The following LDLRAD3 variants were observed in gnomAD, a reference collection of about 807,000 sequenced individuals.
LDLRAD3 encodes low-density lipoprotein receptor class A domain-containing protein 3.
A neutral mutation model predicts 29.4 loss-of-function variants in LDLRAD3; 20 were observed. The ratio of observed to expected loss-of-function variants is 0.68; its 90% CI spans 0.48 to 0.99. The LOEUF is 0.99. Ranked by LOEUF, LDLRAD3 falls within the 50% of genes least tolerant of loss-of-function variation. The probability of loss-of-function intolerance (pLI) is 0.00; values close to 1 mark genes in which losing one functional copy is unlikely to be tolerated. For synonymous variants in LDLRAD3, 157 were observed against 192.7 expected, an observed-to-expected ratio of 0.81 and a Z score of 1.53; for missense variants, 420 against 454.3, an observed-to-expected ratio of 0.92 and a Z score of 0.69.
intron 1 of LDLRAD3, among the ~76,000 whole-genome samples, chr11:35,948,609 C>T (rs990619345): frequency 1.3e-5 from 2 of 152,168 alleles, no homozygotes; most frequent in African/African-American, 4.8e-5. Context: ...CGTATTTGCT[C>T]GTCACATCAT....
At chr11:36,076,698 T>C (rs1316675985) in intron 2 of LDLRAD3, among the ~76,000 whole-genome samples, 1 of 152,202 alleles carries the variant, frequency 6.6e-6, no homozygotes, top group Non-Finnish European at 1.5e-5. Flanking sequence ...GCCTTCCCAC[T>C]TTCTTTATTT....
intron 4 of LDLRAD3, among the ~76,000 whole-genome samples, chr11:36,199,128 C>A (rs563921060): frequency 3.5e-4 from 53 of 152,190 alleles, no homozygotes; most frequent in African/African-American, 1.3e-3. Context: ...TCTTGATCTC[C>A]TAACCTCGTG....
At chr11:36,036,937 C>T (rs962149261) in intron 2 of LDLRAD3, among the ~76,000 whole-genome samples, 13 of 152,100 alleles carry the variant, frequency 8.5e-5, no homozygotes, top group Admixed American at 4.6e-4. Context: ...TGATCATCTA[C>T]GAGAAAAGAG....
At chr11:36,130,031 G>A (rs974853645) in intron 4 of LDLRAD3, among the ~76,000 whole-genome samples, 1 of 152,208 alleles carries the variant, frequency 6.6e-6, no homozygotes, top group African/African-American at 2.4e-5. Flanking sequence ...CTGGAACTCA[G>A]GAGGGGCTCA....
At chr11:35,984,788 C>T (rs1164206903) in intron 1 of LDLRAD3, among the ~76,000 whole-genome samples, 2 of 151,874 alleles carry the variant, frequency 1.3e-5, no homozygotes, top group African/African-American at 2.4e-5. Flanking sequence ...TGCATCACCA[C>T]GCCTGGCTAA....
At chr11:36,005,743 C>G (rs958673537) in intron 1 of LDLRAD3, among the ~76,000 whole-genome samples, 1 of 152,076 alleles carries the variant, frequency 6.6e-6, no homozygotes, top group Non-Finnish European at 1.5e-5. Context: ...GAAAAAAGGG[C>G]TAATTTACTC....
intron 1 of LDLRAD3, 70 bp from the exon 2 acceptor site, chr11:36,036,033 C>T: frequency 6.6e-7 from 1 of 1,513,562 alleles, no homozygotes; most frequent in South Asian, 1.2e-5. Context: ...AAACCACACA[C>T]CTTTCAGTTG....
chr11:35,948,842 G>T (rs928243774), intron 1 of LDLRAD3, among the ~76,000 whole-genome samples: 21 of 152,192 alleles, frequency 1.4e-4, no homozygotes, highest in African/African-American at 4.8e-4. Context: ...TGCATTGCGG[G>T]ATGGTCACAG....
intron 1 of LDLRAD3, among the ~76,000 whole-genome samples, chr11:35,957,628 C>T (rs1407362104): frequency 1.3e-5 from 2 of 151,974 alleles, no homozygotes; most frequent in African/African-American, 4.8e-5. Context: ...GGCGAAACCT[C>T]GTCACTACTA....
At chr11:35,971,746 A>G (rs1319567278) in intron 1 of LDLRAD3, among the ~76,000 whole-genome samples, 1 of 152,188 alleles carries the variant, frequency 6.6e-6, no homozygotes, top group Non-Finnish European at 1.5e-5. Context: ...GAGAATGGAT[A>G]GGGGAGCAAT....
Position 36,141,979 on chromosome 11 carries a change from C to T in LDLRAD3, c.454+43518C>T, listed in dbSNP as rs1209860309. Among the ~76,000 whole-genome samples the T allele has an allele frequency of 3.9e-5, 6 of 152,226 alleles. No individual in the cohort carries two copies. In the East Asian group the frequency reaches 1.2e-3, roughly 29 times the overall value. On this transcript the variant is annotated intron_variant, in intron 4 of 5. Transcript: ENST00000315571. ...GGTTGTTTTCTTTTTTTTCCTTAAC[C>T]ATACAATTGGGACCTTTCCCTGAAT...
At chr11:36,007,012 GCC>G (rs1851894001) in intron 1 of LDLRAD3, among the ~76,000 whole-genome samples, 1 of 151,982 alleles carries the variant, frequency 6.6e-6, no homozygotes, top group African/African-American at 2.4e-5. Context: ...TCTGTCCCCA[GCC>G]CCACACAGTG....
chr11:36,195,552 A>G (rs1040326060), intron 4 of LDLRAD3, among the ~76,000 whole-genome samples: 1 of 152,202 alleles, frequency 6.6e-6, no homozygotes, highest in Non-Finnish European at 1.5e-5. Context: ...GGCTCAGAGT[A>G]TAGAAAGAAC....
At chr11:36,065,188 G>T (rs1055245496) in intron 2 of LDLRAD3, among the ~76,000 whole-genome samples, 6 of 152,100 alleles carry the variant, frequency 3.9e-5, no homozygotes, top group Non-Finnish European at 8.8e-5. Context: ...CAAGAATCTT[G>T]GGGCTCTGTT....
At chr11:36,226,088 A>AATAG (rs1855494760) in intron 4 of LDLRAD3, among the ~76,000 whole-genome samples, 1 of 151,920 alleles carries the variant, frequency 6.6e-6, no homozygotes, top group East Asian at 1.9e-4. Context: ...TAAATAAATA[A>AATAG]ATAAATAATG....
intron 1 of LDLRAD3, among the ~76,000 whole-genome samples, chr11:35,985,396 A>G (rs564920265): frequency 1.8e-4 from 27 of 152,230 alleles, no homozygotes; most frequent in African/African-American, 6.5e-4. Context: ...ATTTTTGCAG[A>G]TTCCGTAAGG....
chr11:36,138,630 A>G lies in LDLRAD3; in HGVS notation c.454+40169A>G, dbSNP rs565419228. ...AAAAATGGGAATCATATTAATTAGT[A>G]TTTAATAGCTGCATTTTGGTGACAG... is the stretch of plus-strand genomic sequence containing the variant. On this transcript the variant is annotated intron_variant, in intron 4 of 5. Transcript: ENST00000315571. 1.4e-4 allele frequency among the ~76,000 whole-genome samples: 22 copies of G among 152,360 alleles called. No individual in the cohort carries two copies. The East Asian group carries it at 2.5e-3, about 17-fold the overall frequency.
At chr11:36,135,728 G>A (rs2133310217) in intron 4 of LDLRAD3, among the ~76,000 whole-genome samples, 1 of 152,220 alleles carries the variant, frequency 6.6e-6, no homozygotes. Flanking sequence ...TGGCCAACAT[G>A]GTGAAACACC....
chr11:36,067,384 T>C (rs747407003), intron 2 of LDLRAD3, among the ~76,000 whole-genome samples: 5 of 152,190 alleles, frequency 3.3e-5, no homozygotes, highest in African/African-American at 4.8e-5. Flanking sequence ...ATACTATATT[T>C]TATAGTGTAA....
Sources: allele counts gnomAD v4.1 joint callset (sites outside exome capture counted in the v4.1 genomes callset), GRCh38; gene constraint gnomAD v4.1.1; transcripts MANE v1.5; gene names NCBI Gene and HGNC (gene_info 2026-07-23, HGNC 2026-07-21).